Variants in AK2 observed in about 807,000 individuals in gnomAD.
AK2 encodes the protein adenylate kinase 2.
A neutral mutation model predicts 24.6 loss-of-function variants in AK2; 15 were observed. The ratio of observed to expected loss-of-function variants is 0.61; its 90% CI spans 0.41 to 0.94. AK2 has a LOEUF of 0.94. AK2 is among the 40% of genes least tolerant of loss of function. AK2 has a pLI of 0.00. For synonymous variants in AK2, 102 were observed against 114.0 expected (o/e 0.90, Z 0.67); for missense variants, 257 against 304.1 (o/e 0.85, Z 1.15).
At chr1:33,032,802 G>A (rs900129233) in intron 1 of AK2, among the ~76,000 whole-genome samples, 58 of 152,216 alleles carry the variant, frequency 3.8e-4, no homozygotes, top group African/African-American at 1.4e-3. Flanking sequence ...AGAGGAAGAT[G>A]TTAAGTACAC....
Position 33,012,479 on chromosome 1 carries a change from T to G in AK2, c.*702A>C, listed in dbSNP as rs1638887688. The G allele has an allele frequency of 7.1e-7, 1 of 1,403,206 alleles. No homozygotes were observed. Among genetic ancestry groups the G allele is most frequent in the Non-Finnish European group, 9.4e-7 (1 of 1,064,718 alleles). The allele number at this position is 1,403,206 out of a possible 1,614,324, so 86.9% of individuals were successfully genotyped here. ...GACCCTGCCTGACTTCACATGATCCTGGACTTCTAATCAGCTGCTGGAAAT... is the reference window on the plus strand; with the variant it reads ...GACCCTGCCTGACTTCACATGATCCGGGACTTCTAATCAGCTGCTGGAAAT... On this transcript the variant is annotated 3_prime_UTR_variant, in exon 6 of 6. Coordinates refer to ENST00000672715, the MANE Select transcript of AK2 (RefSeq NM_001625.4).
intron 2 of AK2, among the ~76,000 whole-genome samples, chr1:33,023,824 T>C (rs976739699): frequency 1.3e-5 from 2 of 152,196 alleles, no homozygotes; most frequent in African/African-American, 4.8e-5. Flanking sequence ...ACTTCAAGAA[T>C]ACTATGAATG....
chr1:33,023,158 T>A (rs1217590297), intron 2 of AK2, among the ~76,000 whole-genome samples: 1 of 152,166 alleles, frequency 6.6e-6, no homozygotes, highest in Non-Finnish European at 1.5e-5. Context: ...TGAAGGTGAT[T>A]CTCAGAGGCC....
chr1:33,015,458 G>A (rs1639123284), intron 4 of AK2, among the ~76,000 whole-genome samples: 1 of 152,220 alleles, frequency 6.6e-6, no homozygotes, highest in Non-Finnish European at 1.5e-5. Context: ...CTGCTCAGCA[G>A]CCAGGCCTTG....
At chr1:33,019,691 G>C (rs1320617413) in intron 4 of AK2, 27 of 1,021,410 alleles carry the variant, frequency 2.6e-5, no homozygotes, top group Non-Finnish European at 3.2e-5. Context: ...ACATGGAAAA[G>C]ATGTTCAACC....
intron 1 of AK2, among the ~76,000 whole-genome samples, chr1:33,035,013 C>T (rs911060288): frequency 1.3e-5 from 2 of 152,018 alleles, no homozygotes; most frequent in African/African-American, 4.8e-5. Context: ...CAGAGTGAGA[C>T]CCTGTCTCAA....
In AK2 at chr1:33,024,497, G is replaced by A. The variant is rs1553152674; in HGVS notation, c.164C>T (p.Ala55Val). The A allele has an allele frequency of 6.2e-7, 1 of 1,614,166 alleles. No individual in the cohort carries two copies. Among genetic ancestry groups the A allele is most frequent in the African/African-American group, 1.3e-5 (1 of 75,048 alleles). Residue 55 changes from alanine to valine, a missense_variant, in exon 2 of 6, where the codon GCT becomes GTT. Ala to Val is a moderately conservative substitution (Grantham distance 64, BLOSUM62 0). Transcript: ENST00000672715. ...CTTTTTTCCTAGCTCTGAGCCAGAA[G>A]CCACCATGGCCCTCAGCATGTCCCC... Reference protein sequence around the residue: ...ATGDMLRAMVASGSELGKKLK... With the variant: ...ATGDMLRAMVVSGSELGKKLK...
rs1479883312 is a variant in AK2, at chr1:33,010,780, A to C, written c.*2401T>G. 5 of 1,614,288 alleles carry C rather than the reference A, an allele frequency of 3.1e-6. No homozygotes were observed. The highest frequency in any genetic ancestry group is 1.7e-6 in the Non-Finnish European group (2 of 1,180,056). On this transcript the variant is annotated 3_prime_UTR_variant, in exon 6 of 6. Transcript: ENST00000672715. ...TGCCCAGCACCTAAGAGCAGGGATC[A>C]CGCCGCGGGGTGATGAGCAGTGTTG...
In AK2 at chr1:33,013,265, T is replaced by C. The variant is rs1357559478; in HGVS notation, c.636A>G (p.Ala212=). 6.2e-7 allele frequency: 1 copy of C among 1,613,702 alleles called. No homozygotes were observed. The highest frequency in any genetic ancestry group is 1.3e-5 in the African/African-American group (1 of 74,936). Residue 212 remains alanine (A), a synonymous_variant, in exon 6 of 6, where the codon GCA becomes GCG. Transcript: ENST00000672715. The part of the protein sequence containing the change: ...RKRGIHSAID[A]SQTPDVVFAS... ...CGAACACGACATCGGGGGTCTGGGA[T>C]GCATCGATGGCGGAGTGGATCCCCC...
chr1:33,010,856 G>A lies in AK2; in HGVS notation c.*2325C>T. 6.2e-7 allele frequency: 1 copy of A among 1,604,908 alleles called. No homozygotes were observed. On this transcript the variant is annotated 3_prime_UTR_variant, in exon 6 of 6. Transcript: ENST00000672715. ...AGGCTGAAATAGAGAGGAAACAAGA[G>A]AGAACAAAATGGGTTTTTAAAAACC... is the stretch of plus-strand genomic sequence containing the variant.
At chr1:33,027,183 A>G (rs1639945318) in intron 1 of AK2, among the ~76,000 whole-genome samples, 1 of 152,242 alleles carries the variant, frequency 6.6e-6, no homozygotes, top group Non-Finnish European at 1.5e-5. Context: ...GAGCCCTGAC[A>G]ATGAAAAACC....
chr1:33,021,137 C>A (rs916838151), intron 4 of AK2, among the ~76,000 whole-genome samples: 1 of 152,020 alleles, frequency 6.6e-6, no homozygotes, highest in African/African-American at 2.4e-5. Context: ...CAGAGTTAGA[C>A]TCCCATCTAA....
intron 1 of AK2, among the ~76,000 whole-genome samples, chr1:33,033,336 C>T (rs897512599): frequency 4.6e-5 from 7 of 152,176 alleles, no homozygotes; most frequent in African/African-American, 1.7e-4. Context: ...GCCTGAGCAA[C>T]ATGGCAGGAC....
chr1:33,014,705 C>T, intron 4 of AK2, 111 bp from the exon 5 acceptor site: 1 of 848,776 alleles, frequency 1.2e-6, no homozygotes, highest in Non-Finnish European at 2.0e-6. Context: ...GATGCAAGGA[C>T]CCAGCACCCA....
chr1:33,015,411 G>A (rs1343152850), intron 4 of AK2, among the ~76,000 whole-genome samples: 3 of 152,216 alleles, frequency 2.0e-5, no homozygotes, highest in African/African-American at 7.2e-5. Context: ...CACACCACAG[G>A]AGCCTAGAAA....
rs1278593031 is a variant in AK2, at chr1:33,008,109, G to A, written c.*5072C>T. 8.8e-6 allele frequency: 4 copies of A among 454,024 alleles called. No individual in the cohort carries two copies. Among genetic ancestry groups the A allele is most frequent in the East Asian group, 6.9e-5 (1 of 14,418 alleles). The allele number at this position is 454,024 out of a possible 1,614,324, so 28.1% of individuals were successfully genotyped here. ...TCCTTAGCCTGGTTCCGGATGGTCAGTAAGACAACTTTCTTCAATGCCTAC... is the reference window on the plus strand; with the variant it reads ...TCCTTAGCCTGGTTCCGGATGGTCAATAAGACAACTTTCTTCAATGCCTAC... On this transcript the variant is annotated 3_prime_UTR_variant, in exon 6 of 6. Transcript: ENST00000672715.
chr1:33,022,688 ACCCCAAT>A (rs2124335795), intron 2 of AK2, among the ~76,000 whole-genome samples: 1 of 151,460 alleles, frequency 6.6e-6, no homozygotes, highest in Non-Finnish European at 1.5e-5. Context: ...TCTCTCTAAA[ACCCCAAT>A]AAGGACTTCT....
Position 33,009,002 on chromosome 1 carries a change from G to T in AK2, c.*4179C>A. ...AGGGAGGAAAGAAAATTTTCACAGG[G>T]TATTTAAAAAGCTCAGGGAACAAAC... On this transcript the variant is annotated 3_prime_UTR_variant, in exon 6 of 6. Coordinates refer to ENST00000672715, the MANE Select transcript of AK2 (RefSeq NM_001625.4). 1 of 454,084 alleles carries T rather than the reference G, an allele frequency of 2.2e-6. No individual in the cohort carries two copies. The highest frequency in any genetic ancestry group is 4.4e-6 in the Non-Finnish European group (1 of 226,788). 28.1% of individuals were successfully genotyped at this position (454,084 alleles called of 1,614,324 possible).
chr1:33,036,504 C>T (rs1157327799), intron 1 of AK2, among the ~76,000 whole-genome samples: 1 of 152,228 alleles, frequency 6.6e-6, no homozygotes, highest in African/African-American at 2.4e-5. Flanking sequence ...CATTCCCTAA[C>T]CCAACACTTC....
Sources: allele counts gnomAD v4.1 joint callset (sites outside exome capture counted in the v4.1 genomes callset), GRCh38; gene constraint gnomAD v4.1.1; transcripts MANE v1.5; gene names NCBI Gene and HGNC (gene_info 2026-07-23, HGNC 2026-07-21).